PRELID2: variants seen among roughly 807,000 people sequenced by gnomAD.
PRELID2 encodes PRELI domain containing 2, also known as PRELI domain-containing protein 2.
PRELID2 carries 25 observed loss-of-function variants against 28.4 expected under a neutral mutation model. That is an observed-to-expected ratio of 0.88 (90% confidence interval 0.64 to 1.23). The LOEUF is 1.23. PRELID2 is among the 50% of genes most tolerant of loss of function. The probability of loss-of-function intolerance (pLI) is 0.00; values close to 1 mark genes in which losing one functional copy is unlikely to be tolerated. For missense variants in PRELID2, 201 were observed against 214.4 expected (o/e 0.94, Z 0.39); for synonymous variants, 76 against 71.6 (o/e 1.06, Z -0.31).
At chr5:145,411,049 T>A in the PRELID2 span, among the ~76,000 whole-genome samples, 30 of 152,202 alleles carry the variant, frequency 2.0e-4, no homozygotes, top group East Asian at 5.4e-3. Flanking sequence ...TCCATGCAAG[T>A]GTGAACTCTA....
At chr5:145,528,477 C>T (rs1387749643) in intron 1 of PRELID2, among the ~76,000 whole-genome samples, 1 of 152,056 alleles carries the variant, frequency 6.6e-6, no homozygotes, top group Non-Finnish European at 1.5e-5. Context: ...CTTTTCCTAT[C>T]ATCAGCTCAC....
At chr5:145,800,693 A>G (rs1753079601) in intron 4 of PRELID2, among the ~76,000 whole-genome samples, 1 of 152,166 alleles carries the variant, frequency 6.6e-6, no homozygotes, top group Non-Finnish European at 1.5e-5. Context: ...TTTTGTCCAC[A>G]TATCAGAGAA....
the PRELID2 span, among the ~76,000 whole-genome samples, chr5:145,405,450 T>C: frequency 6.6e-6 from 1 of 152,164 alleles, no homozygotes; most frequent in Non-Finnish European, 1.5e-5. Flanking sequence ...GCAGGCTTTA[T>C]TAGTTCAACT....
At chr5:145,673,599 T>C (rs1428236627) in intron 1 of PRELID2, among the ~76,000 whole-genome samples, 2 of 151,842 alleles carry the variant, frequency 1.3e-5, no homozygotes, top group Non-Finnish European at 2.9e-5. Flanking sequence ...AGATCAAAGC[T>C]CTCAATCATA....
At chr5:145,405,386 T>C in the PRELID2 span, among the ~76,000 whole-genome samples, 4 of 152,298 alleles carry the variant, frequency 2.6e-5, no homozygotes, top group Admixed American at 6.5e-5. Context: ...TATAAAGAAA[T>C]ACCTGAGACT....
chr5:145,250,308 T>C, the PRELID2 span, among the ~76,000 whole-genome samples: 7 of 152,014 alleles, frequency 4.6e-5, no homozygotes, highest in Non-Finnish European at 1.5e-5. Flanking sequence ...AGTTGATGAG[T>C]ATTTTATAGT....
chr5:145,446,600 G>T, the PRELID2 span, among the ~76,000 whole-genome samples: 4 of 152,138 alleles, frequency 2.6e-5, no homozygotes, highest in Admixed American at 2.6e-4. Flanking sequence ...TTTGGATATA[G>T]AACTGGCAAT....
At chr5:145,412,779 G>C in the PRELID2 span, among the ~76,000 whole-genome samples, 4 of 152,270 alleles carry the variant, frequency 2.6e-5, no homozygotes, top group African/African-American at 9.6e-5. Flanking sequence ...TATTTATAAA[G>C]GAAAGACATT....
chr5:145,376,041 A>G, the PRELID2 span, among the ~76,000 whole-genome samples: 1 of 152,178 alleles, frequency 6.6e-6, no homozygotes, highest in Non-Finnish European at 1.5e-5. Context: ...TTTGTCACAG[A>G]CGGCTCTTAT....
At chr5:145,415,815 C>T in the PRELID2 span, among the ~76,000 whole-genome samples, 1 of 152,050 alleles carries the variant, frequency 6.6e-6, no homozygotes, top group African/African-American at 2.4e-5. Context: ...ATGGCTGGGT[C>T]AAATCGTATT....
the PRELID2 span, among the ~76,000 whole-genome samples, chr5:145,300,131 T>C: frequency 6.6e-6 from 1 of 151,850 alleles, no homozygotes; most frequent in African/African-American, 2.4e-5. Flanking sequence ...TTTCTTCAGT[T>C]AAAAAAAATG....
the PRELID2 span, among the ~76,000 whole-genome samples, chr5:145,264,814 A>G: frequency 6.6e-6 from 1 of 151,942 alleles, no homozygotes; most frequent in East Asian, 1.9e-4. Flanking sequence ...TGTCTACTAA[A>G]ATTACAAAAA....
chr5:145,557,685 T>C (rs1398337295), intron 1 of PRELID2, among the ~76,000 whole-genome samples: 1 of 152,218 alleles, frequency 6.6e-6, no homozygotes, highest in East Asian at 1.9e-4. Flanking sequence ...GTCTAAATGC[T>C]TGAAGGCACT....
the PRELID2 span, among the ~76,000 whole-genome samples, chr5:145,439,827 C>T: frequency 6.6e-6 from 1 of 152,082 alleles, no homozygotes; most frequent in Admixed American, 6.6e-5. Context: ...TCTTCAAATT[C>T]ATTCTTTACA....
Position 145,654,302 on chromosome 5 carries a change from C to T in PRELID2, n.70+110629G>A, listed in dbSNP as rs576628585. Among the ~76,000 whole-genome samples, 81 of 152,244 alleles carry T rather than the reference C, an allele frequency of 5.3e-4. No individual in the cohort carries two copies. The South Asian group carries it at 5.6e-3, about 11-fold the overall frequency. On this transcript the variant is annotated intron_variant and non_coding_transcript_variant, in intron 1 of 2. Transcript: ENST00000510259. ...AGTCCAGGATAGATGGATTCACAGC[C>T]GAATTCTACCAGATGTACAAGGAGT...
intron 1 of PRELID2, among the ~76,000 whole-genome samples, chr5:145,571,778 G>A (rs1294773719): frequency 6.6e-6 from 1 of 152,008 alleles, no homozygotes. Context: ...TCAGGAGATC[G>A]AGACCACCCT....
At chr5:145,520,695 C>T (rs190867656) in intron 1 of PRELID2, among the ~76,000 whole-genome samples, 17 of 152,202 alleles carry the variant, frequency 1.1e-4, no homozygotes, top group African/African-American at 3.4e-4. Context: ...ATAAATGTGT[C>T]GTAATTAATT....
chr5:145,766,340 A>C (rs1230764181), intron 5 of PRELID2, among the ~76,000 whole-genome samples: 2 of 152,144 alleles, frequency 1.3e-5, no homozygotes, highest in African/African-American at 4.8e-5. Flanking sequence ...CTATGCCCTT[A>C]AGAGGCACCC....
intron 1 of PRELID2, among the ~76,000 whole-genome samples, chr5:145,576,236 C>CGGTG (rs1753059236): frequency 6.6e-6 from 1 of 152,008 alleles, no homozygotes; most frequent in Non-Finnish European, 1.5e-5. Flanking sequence ...GTTTCATCAC[C>CGGTG]CCAAAAAGAA....
Sources: allele counts gnomAD v4.1 joint callset (sites outside exome capture counted in the v4.1 genomes callset), GRCh38; gene constraint gnomAD v4.1.1; transcripts MANE v1.5; gene names NCBI Gene and HGNC (gene_info 2026-07-23, HGNC 2026-07-21).